The following TMEFF2 variants were observed in gnomAD, a reference collection of about 807,000 sequenced individuals.
The protein encoded by TMEFF2 is tomoregulin-2.
A neutral mutation model predicts 53.8 loss-of-function variants in TMEFF2; 28 were observed. The observed-to-expected ratio is 0.52, with a 90% CI of 0.39 to 0.71. The LOEUF (loss-of-function observed/expected upper bound fraction) is 0.71. Ranked by LOEUF, TMEFF2 falls within the 30% of genes least tolerant of loss-of-function variation. The probability of loss-of-function intolerance (pLI) is 0.00; values close to 1 mark genes in which losing one functional copy is unlikely to be tolerated. For missense variants in TMEFF2, 353 were observed against 455.2 expected, an observed-to-expected ratio of 0.78 and a Z score of 2.04; for synonymous variants, 162 against 166.3, an observed-to-expected ratio of 0.97 and a Z score of 0.20.
intron 4 of TMEFF2, among the ~76,000 whole-genome samples, chr2:192,138,307 G>A (rs1048494794): frequency 1.3e-5 from 2 of 152,162 alleles, no homozygotes; most frequent in African/African-American, 4.8e-5. Flanking sequence ...TTGTGACATC[G>A]GTACAGATAT....
At chr2:192,145,029 T>C (rs1574412721) in intron 4 of TMEFF2, among the ~76,000 whole-genome samples, 1 of 152,074 alleles carries the variant, frequency 6.6e-6, no homozygotes, top group Non-Finnish European at 1.5e-5. Context: ...TATTTTCCCA[T>C]TTTGGGGAAA....
intron 5 of TMEFF2, chr2:192,030,738 A>T (rs71414959): frequency 0.036 from 5,514 of 152,270 alleles, 130 homozygotes; most frequent in Middle Eastern, 0.071. Flanking sequence ...ACTGGTGTCA[A>T]CAGAAACAAA....
chr2:192,165,546 C>T (rs1324952039), intron 4 of TMEFF2, among the ~76,000 whole-genome samples: 1 of 152,002 alleles, frequency 6.6e-6, no homozygotes, highest in South Asian at 2.1e-4. Context: ...CATACAAATA[C>T]ACACACACAT....
At chr2:192,040,056 A>G (rs1304426203) in intron 5 of TMEFF2, among the ~76,000 whole-genome samples, 2 of 152,136 alleles carry the variant, frequency 1.3e-5, no homozygotes, top group South Asian at 2.1e-4. Context: ...TAAGCTAGTA[A>G]TCAAAGATAG....
At chr2:192,078,328 G>A (rs1688480487) in intron 4 of TMEFF2, among the ~76,000 whole-genome samples, 1 of 152,128 alleles carries the variant, frequency 6.6e-6, no homozygotes, top group Non-Finnish European at 1.5e-5. Context: ...TCAATAAATG[G>A]TAGACTTTCA....
chr2:192,004,517 A>G (rs1431928821), intron 5 of TMEFF2, among the ~76,000 whole-genome samples: 1 of 152,212 alleles, frequency 6.6e-6, no homozygotes, highest in African/African-American at 2.4e-5. Context: ...TCAGTGGTGT[A>G]TGCCTGTAGT....
rs148405132 is a variant in TMEFF2, at chr2:192,009,220, G to A, written c.537-10012C>T. ...TTCCTTTGGTCTTGGCTCTCAGGGAGCTCAGAGATAAGCAGTGAGTAAGTG... is the reference window on the plus strand; with the variant it reads ...TTCCTTTGGTCTTGGCTCTCAGGGAACTCAGAGATAAGCAGTGAGTAAGTG... On this transcript the variant is annotated intron_variant, in intron 5 of 9. Coordinates refer to ENST00000272771, the MANE Select transcript of TMEFF2 (RefSeq NM_016192.4). Among the ~76,000 whole-genome samples, 547 of 152,216 alleles carry A rather than the reference G, an allele frequency of 3.6e-3. 4 individuals carry two copies. Among genetic ancestry groups the A allele is most frequent in the Admixed American group, 6.7e-3 (102 of 15,280 alleles).
At chr2:192,136,982 GA>G (rs1336098153) in intron 4 of TMEFF2, among the ~76,000 whole-genome samples, 2 of 152,158 alleles carry the variant, frequency 1.3e-5, no homozygotes, top group Non-Finnish European at 2.9e-5. Context: ...TTAGGAGGGG[GA>G]AAAGGAAAGA....
At chr2:192,056,353 CAG>C (rs1375648900) in intron 5 of TMEFF2, among the ~76,000 whole-genome samples, 7 of 149,094 alleles carry the variant, frequency 4.7e-5, no homozygotes, top group East Asian at 2.0e-4. Flanking sequence ...AGGGGAAAGA[CAG>C]GGAGGGAAAG....
chr2:191,990,715 T>G (rs753896715), intron 7 of TMEFF2, among the ~76,000 whole-genome samples: 4 of 150,840 alleles, frequency 2.7e-5, no homozygotes, highest in Admixed American at 6.6e-5. Context: ...GACCTGTCTT[T>G]TCTTTACTAT....
At chr2:192,089,369 G>A (rs776642415) in intron 4 of TMEFF2, among the ~76,000 whole-genome samples, 1 of 150,204 alleles carries the variant, frequency 6.7e-6, no homozygotes, top group African/African-American at 2.5e-5. Context: ...AGGTTTGGAT[G>A]ACTGAATATT....
At chr2:192,188,689 T>G (rs565928146) in intron 2 of TMEFF2, among the ~76,000 whole-genome samples, 29 of 152,296 alleles carry the variant, frequency 1.9e-4, no homozygotes, top group African/African-American at 6.5e-4. Context: ...CTGAAAAACA[T>G]AAGGCTTCAT....
chr2:192,147,872 A>T (rs529657150), intron 4 of TMEFF2, among the ~76,000 whole-genome samples: 3 of 152,114 alleles, frequency 2.0e-5, no homozygotes, highest in South Asian at 4.1e-4. Flanking sequence ...ACAGTAGTGT[A>T]TTAACATCTG....
intron 7 of TMEFF2, among the ~76,000 whole-genome samples, chr2:191,961,988 C>T (rs1261909997): frequency 6.6e-6 from 1 of 152,090 alleles, no homozygotes; most frequent in Admixed American, 6.6e-5. Context: ...AAGTGACAGC[C>T]TAGCATGAGG....
intron 4 of TMEFF2, among the ~76,000 whole-genome samples, chr2:192,099,224 C>T (rs7573630): frequency 0.068 from 10,355 of 152,092 alleles, 758 homozygotes; most frequent in African/African-American, 0.18. Context: ...GTTCTTCTCA[C>T]ATAGAAATAG....
In TMEFF2 at chr2:192,194,271, G is replaced by T; in HGVS notation, c.172+82C>A. 1 of 1,533,746 alleles carries T rather than the reference G, an allele frequency of 6.5e-7. No individual in the cohort carries two copies. The highest frequency in any genetic ancestry group is 2.3e-5 in the East Asian group (1 of 44,078). ...GTAGGAGGTGAGGGGCTGAGGAGGC[G>T]CGCTAGGGTAGGCTGGTCTGTGCTG... is the stretch of plus-strand genomic sequence containing the variant. On this transcript the variant is annotated intron_variant, in intron 1 of 9. Coordinates refer to ENST00000272771, the MANE Select transcript of TMEFF2 (RefSeq NM_016192.4). The surrounding 1 kb of genome is among the most constrained non-coding windows in gnomAD (Gnocchi z 4.2).
intron 7 of TMEFF2, among the ~76,000 whole-genome samples, chr2:191,973,789 C>T (rs1171687113): frequency 2.0e-5 from 3 of 152,098 alleles, no homozygotes; most frequent in Non-Finnish European, 4.4e-5. Flanking sequence ...GGGGCAGTTA[C>T]CTCTATGCTG....
intron 4 of TMEFF2, among the ~76,000 whole-genome samples, chr2:192,102,020 G>A (rs544011246): frequency 6.6e-6 from 1 of 152,212 alleles, no homozygotes; most frequent in East Asian, 1.9e-4. Context: ...ACAATGTCTG[G>A]CACATACAAA....
intron 4 of TMEFF2, among the ~76,000 whole-genome samples, chr2:192,120,960 T>G (rs755472040): frequency 6.6e-6 from 1 of 152,024 alleles, no homozygotes; most frequent in Non-Finnish European, 1.5e-5. Flanking sequence ...GGTCTGGAAC[T>G]TCTGACCTTG....
Sources: allele counts gnomAD v4.1 joint callset (sites outside exome capture counted in the v4.1 genomes callset), GRCh38; gene constraint gnomAD v4.1.1; non-coding constraint Gnocchi (gnomAD v3.1); transcripts MANE v1.5; gene names NCBI Gene and HGNC (gene_info 2026-07-23, HGNC 2026-07-21).